RUBCNL: variants seen among roughly 807,000 people sequenced by gnomAD.
RUBCNL encodes rubicon like autophagy enhancer.
Under a neutral mutation model 69.5 loss-of-function variants are expected in RUBCNL, and 62 were observed. The ratio of observed to expected loss-of-function variants is 0.89; its 90% CI spans 0.73 to 1.10. RUBCNL has a LOEUF of 1.10. RUBCNL is among the 50% of genes least tolerant of loss of function. RUBCNL has a pLI of 0.00. For missense variants in RUBCNL, 768 were observed against 798.1 expected (o/e 0.96, Z 0.45); for synonymous variants, 291 against 303.6 (o/e 0.96, Z 0.43).
chr13:46,359,750 T>G, intron 8 of RUBCNL, 119 bp from the exon 9 acceptor site: 1 of 1,030,508 alleles, frequency 9.7e-7, no homozygotes, highest in Admixed American at 2.9e-5. Flanking sequence ...TAACAGTGCT[T>G]TTAACTGAAC....
At chr13:46,387,108 C>T (rs2049266974) in intron 1 of RUBCNL, 26 bp downstream of exon 1, 1 of 985,800 alleles carries the variant, frequency 1.0e-6, no homozygotes, top group South Asian at 4.7e-5. Flanking sequence ...CCGCTCCCAT[C>T]TCGCCCCCGG....
chr13:46,353,118 C>T (rs1210081113), intron 10 of RUBCNL, among the ~76,000 whole-genome samples: 3 of 152,180 alleles, frequency 2.0e-5, no homozygotes, highest in Admixed American at 6.5e-5. Context: ...CCGCTGCATT[C>T]GATGGTGGGA....
Position 46,372,063 on chromosome 13 carries a change from C to T in RUBCNL, c.413G>A (p.Arg138His), listed in dbSNP as rs775781537. Residue 138 changes from arginine (R) to histidine (H), a missense_variant, in exon 3 of 15, where the codon CGC becomes CAC. By Grantham distance (29) the Arg-to-His change is conservative (BLOSUM62 0). Coordinates refer to ENST00000429979, the MANE Select transcript of RUBCNL (RefSeq NM_025113.5). Reference protein sequence around the residue: ...SLSSTEVHMVRPGYSHRVSLP... With the variant: ...SLSSTEVHMVHPGYSHRVSLP... ...AGACACCCGATGAGAGTATCCTGGG[C>T]GGACCATGTGTACCTCTGTTGAGGA... 121 of 1,613,864 alleles carry T rather than the reference C, an allele frequency of 7.5e-5. No homozygotes were observed. Among genetic ancestry groups the T allele is most frequent in the Admixed American group, 2.3e-4 (14 of 60,010 alleles).
intron 13 of RUBCNL, among the ~76,000 whole-genome samples, chr13:46,345,130 G>A (rs759046983): frequency 4.6e-5 from 7 of 152,126 alleles, no homozygotes; most frequent in Non-Finnish European, 1.0e-4. Context: ...TCTTCAATCC[G>A]TGTAGACACA....
Position 46,372,447 on chromosome 13 carries a change from T to TC in RUBCNL, c.28dup (p.Asp10GlyfsTer18). 6.2e-7 allele frequency: 1 copy of TC among 1,609,834 alleles called. No individual in the cohort carries two copies. Among genetic ancestry groups the TC allele is most frequent in the South Asian group, 1.1e-5 (1 of 90,212 alleles). ...CCCTTCCCAGGGCTCCACAGGAGAA[T>TC]CCTGCCTGACTGTAGATTGTGACAC... is the stretch of plus-strand genomic sequence containing the variant. On this transcript the variant is annotated frameshift_variant, in exon 3 of 15. Transcript: ENST00000429979. LOFTEE classifies it high-confidence loss of function.
At chr13:46,388,199 C>CAAAAAAAAAAAAA (rs71074779), upstream of RUBCNL, among the ~76,000 whole-genome samples, 1 of 68,200 alleles carries the variant, frequency 1.5e-5, no homozygotes, top group African/African-American at 6.6e-5. Context: ...GCAAGACTGT[C>CAAAAAAAAAAAAA]AAAAAAAAAA....
At chr13:46,385,212 G>C (rs2049212340) in intron 1 of RUBCNL, 2 of 883,884 alleles carry the variant, frequency 2.3e-6, no homozygotes, top group Non-Finnish European at 2.7e-6. Flanking sequence ...TATTATTGCA[G>C]AAAGACTTTC....
Position 46,342,098 on chromosome 13 carries a change from G to A in RUBCNL, c.*1287C>T, listed in dbSNP as rs1297705294. 5.9e-5 allele frequency: 9 copies of A among 152,248 alleles called. No homozygotes were observed. The highest frequency in any genetic ancestry group is 1.0e-4 in the Non-Finnish European group (7 of 68,048). The allele number at this position is 152,248 out of a possible 1,614,324, so 9.4% of individuals were successfully genotyped here. ...AATGGATGTGAGCACAGTTCTGGCA[G>A]AGGCACTGCGGATGAGAAAACAATT... On this transcript the variant is annotated 3_prime_UTR_variant, in exon 15 of 15. Transcript: ENST00000429979.
At chr13:46,348,736 TG>T (rs2048304656) in intron 12 of RUBCNL, among the ~76,000 whole-genome samples, 1 of 152,024 alleles carries the variant, frequency 6.6e-6, no homozygotes, top group South Asian at 2.1e-4. Context: ...CCCAAGTAGC[TG>T]GGACTACAGG....
At chr13:46,376,912 A>G (rs1383320279) in intron 2 of RUBCNL, among the ~76,000 whole-genome samples, 1 of 152,198 alleles carries the variant, frequency 6.6e-6, no homozygotes, top group African/African-American at 2.4e-5. Flanking sequence ...ATCACTTTCT[A>G]TAGTATAAAT....
rs2048902962 is a variant in RUBCNL at position 46,372,531 on chromosome 13, T to C, written c.-56A>G. 5.2e-6 allele frequency: 8 copies of C among 1,524,870 alleles called. No homozygotes were observed. Among genetic ancestry groups the C allele is most frequent in the Non-Finnish European group, 7.1e-6 (8 of 1,132,172 alleles). The allele number at this position is 1,524,870 out of a possible 1,614,324, so 94.5% of individuals were successfully genotyped here. ...TTCAAAACAGATAGGAGTTCCCTGA[T>C]TGCTGGTACTACTTGATTTGGGCCC... On this transcript the variant is annotated 5_prime_UTR_variant, in exon 3 of 15. Coordinates refer to ENST00000429979, the MANE Select transcript of RUBCNL (RefSeq NM_025113.5).
chr13:46,345,701 T>C, intron 12 of RUBCNL, 101 bp from the exon 13 acceptor site: 1 of 1,170,834 alleles, frequency 8.5e-7, no homozygotes, highest in Non-Finnish European at 1.2e-6. Context: ...ACTTAATTTT[T>C]TTTTAACTCA....
At chr13:46,351,648 C>T (rs936062858) in intron 10 of RUBCNL, among the ~76,000 whole-genome samples, 5 of 151,986 alleles carry the variant, frequency 3.3e-5, no homozygotes, top group African/African-American at 9.7e-5. Flanking sequence ...ATAAAGTACA[C>T]GGAAGAGCAT....
intron 6 of RUBCNL, among the ~76,000 whole-genome samples, 166 bp downstream of exon 6, chr13:46,362,949 T>TATATATATAC (rs2048657541): frequency 1.6e-5 from 1 of 63,500 alleles, no homozygotes; most frequent in African/African-American, 9.9e-5. Flanking sequence ...GATATATATA[T>TATATATATAC]ATATATATAT....
intron 1 of RUBCNL, among the ~76,000 whole-genome samples, chr13:46,381,923 G>C (rs913810554): frequency 7.9e-5 from 12 of 152,080 alleles, no homozygotes; most frequent in Non-Finnish European, 1.5e-4. Context: ...TATTGTCTCA[G>C]CCTTTAGAGC....
chr13:46,379,453 C>T (rs1452296492), intron 1 of RUBCNL, among the ~76,000 whole-genome samples: 1 of 152,148 alleles, frequency 6.6e-6, no homozygotes, highest in Admixed American at 6.5e-5. Context: ...AATAGGTGTT[C>T]AATAAATATA....
At chr13:46,384,819 A>C (rs1382929590) in intron 1 of RUBCNL, among the ~76,000 whole-genome samples, 1 of 152,186 alleles carries the variant, frequency 6.6e-6, no homozygotes, top group Non-Finnish European at 1.5e-5. Flanking sequence ...GGCTCAGTAG[A>C]AACAAAGGAT....
chr13:46,340,458 C>T lies in RUBCNL; in HGVS notation c.*2927G>A, dbSNP rs898515350. On this transcript the variant is annotated 3_prime_UTR_variant, in exon 15 of 15. Transcript: ENST00000429979. The stretch of plus-strand genomic sequence containing the variant: ...GGCCTTTTAGTGGGTGCTTCATTTT[C>T]ATTTCTAATCCTTATCTCAACTGCA... 1.3e-5 allele frequency among the ~76,000 whole-genome samples: 2 copies of T among 152,146 alleles called. No individual in the cohort carries two copies. The highest frequency in any genetic ancestry group is 2.9e-5 in the Non-Finnish European group (2 of 68,026).
At chr13:46,357,491 G>A (rs1473793288) in intron 9 of RUBCNL, among the ~76,000 whole-genome samples, 2 of 152,014 alleles carry the variant, frequency 1.3e-5, no homozygotes, top group Admixed American at 6.5e-5. Context: ...AGCTCAGGGA[G>A]GCCATACACC....
Sources: gnomAD v4.1 joint callset for allele counts (sites outside exome capture counted in the v4.1 genomes callset) on GRCh38, gnomAD v4.1.1 for gene constraint, MANE v1.5 for transcripts, NCBI Gene and HGNC (gene_info 2026-07-23, HGNC 2026-07-21) for gene names.